The following IRAK2 variants were observed in gnomAD, a reference collection of about 807,000 sequenced individuals.
The protein encoded by IRAK2 is interleukin 1 receptor associated kinase 2.
IRAK2 carries 57 observed loss-of-function variants against 72.0 expected under a neutral mutation model. The observed-to-expected ratio is 0.79, with a 90% confidence interval of 0.64 to 0.99. The LOEUF is 0.99. Among genes scored for constraint, IRAK2 ranks in the 50% least tolerant of loss-of-function variants. The probability of loss-of-function intolerance (pLI) is 0.00; values close to 1 mark genes in which losing one functional copy is unlikely to be tolerated. For synonymous variants in IRAK2, 293 were observed against 312.7 expected (o/e 0.94, Z 0.67); for missense variants, 790 against 794.4 (o/e 0.99, Z 0.07).
chr3:10,216,792 GCC>G (rs911104275), intron 6 of IRAK2, 140 bp from the exon 7 acceptor site: 10 of 647,326 alleles, frequency 1.5e-5, no homozygotes, highest in Non-Finnish European at 2.5e-5. Flanking sequence ...CTGGGGCCAG[GCC>G]CTTAGGGGTC....
chr3:10,213,024 T>C (rs1030175622), intron 4 of IRAK2, among the ~76,000 whole-genome samples, 183 bp from the exon 5 acceptor site: 12 of 152,122 alleles, frequency 7.9e-5, no homozygotes, highest in African/African-American at 2.9e-4. Context: ...CGCCTCGGCC[T>C]CCCAAAGTGC....
At chr3:10,209,557 C>G in intron 3 of IRAK2, 32 bp from the exon 4 acceptor site, 1 of 1,415,718 alleles carries the variant, frequency 7.1e-7, no homozygotes, top group Non-Finnish European at 9.6e-7. Flanking sequence ...CTCCCCGAGG[C>G]TGCATCCTGA....
At chr3:10,167,602 AGAT>A (rs1696717029) in intron 1 of IRAK2, among the ~76,000 whole-genome samples, 1 of 152,006 alleles carries the variant, frequency 6.6e-6, no homozygotes, top group Non-Finnish European at 1.5e-5. Context: ...TTTTTAGTAG[AGAT>A]GGGGTTTCAC....
chr3:10,215,280 G>C (rs974195325), intron 6 of IRAK2, among the ~76,000 whole-genome samples: 1 of 150,730 alleles, frequency 6.6e-6, no homozygotes, highest in African/African-American at 2.4e-5. Context: ...TGTAGTCCCA[G>C]CTACTCAGGA....
chr3:10,220,966 C>T (rs746842583), intron 8 of IRAK2, among the ~76,000 whole-genome samples: 8 of 152,046 alleles, frequency 5.3e-5, no homozygotes, highest in African/African-American at 7.2e-5. Flanking sequence ...GTAAACATTT[C>T]GCTACATTGT....
intron 2 of IRAK2, among the ~76,000 whole-genome samples, chr3:10,195,212 A>G (rs1275208902): frequency 1.3e-5 from 2 of 152,232 alleles, no homozygotes; most frequent in East Asian, 1.9e-4. Flanking sequence ...TTCCTGCCAA[A>G]TGTGTTTTGA....
At chr3:10,235,384 G>A (rs1174569271) in intron 11 of IRAK2, among the ~76,000 whole-genome samples, 3 of 151,266 alleles carry the variant, frequency 2.0e-5, no homozygotes, top group African/African-American at 7.3e-5. Context: ...TCCAACCTTC[G>A]CCTCCCGGGT....
intron 7 of IRAK2, among the ~76,000 whole-genome samples, chr3:10,218,441 A>AC (rs1697639012): frequency 2.9e-5 from 4 of 138,836 alleles, no homozygotes; most frequent in Non-Finnish European, 4.8e-5. Context: ...AAAAAAAAAA[A>AC]AAAACCAAAA....
chr3:10,208,887 A>T (rs1697474633), intron 3 of IRAK2, among the ~76,000 whole-genome samples: 1 of 151,974 alleles, frequency 6.6e-6, no homozygotes, highest in Admixed American at 6.6e-5. Context: ...GGTATTACAG[A>T]TGTGAAGTAT....
At chr3:10,227,294 A>C (rs1697794327) in intron 10 of IRAK2, among the ~76,000 whole-genome samples, 1 of 151,704 alleles carries the variant, frequency 6.6e-6, no homozygotes, top group Non-Finnish European at 1.5e-5. Context: ...CTAAAAATAC[A>C]AAAATTAGCC....
At chr3:10,166,890 C>G (rs144603477) in intron 1 of IRAK2, among the ~76,000 whole-genome samples, 1 of 152,056 alleles carries the variant, frequency 6.6e-6, no homozygotes, top group African/African-American at 2.4e-5. Context: ...GTGATTTGGC[C>G]GCTTTGGCCT....
At chr3:10,199,603 T>C (rs1334356959) in intron 2 of IRAK2, among the ~76,000 whole-genome samples, 2 of 151,994 alleles carry the variant, frequency 1.3e-5, no homozygotes, top group Non-Finnish European at 2.9e-5. Flanking sequence ...GGGGCTGGAG[T>C]GGGAGCTTAG....
At chr3:10,177,719 T>G (rs1696898064) in intron 1 of IRAK2, 119 bp from the exon 2 acceptor site, 3 of 941,974 alleles carry the variant, frequency 3.2e-6, no homozygotes, top group Middle Eastern at 2.1e-4. Context: ...GTGTTTCCAG[T>G]GTGGAGGCGG....
chr3:10,213,424 T>C (rs2125156146), intron 5 of IRAK2, 23 bp downstream of exon 5: 2 of 1,609,180 alleles, frequency 1.2e-6, no homozygotes, highest in Non-Finnish European at 1.7e-6. Context: ...TGGTTTCTAG[T>C]GGGGGTGGAG....
intron 2 of IRAK2, among the ~76,000 whole-genome samples, chr3:10,194,786 A>G (rs932587699): frequency 1.3e-5 from 2 of 152,166 alleles, no homozygotes; most frequent in South Asian, 4.1e-4. Flanking sequence ...TATACGCACC[A>G]TTTATTGCTT....
chr3:10,212,621 A>C (rs1697537243), intron 4 of IRAK2, among the ~76,000 whole-genome samples: 1 of 152,186 alleles, frequency 6.6e-6, no homozygotes, highest in Non-Finnish European at 1.5e-5. Context: ...CTTAGTCTTC[A>C]AAATTACTCT....
At chr3:10,183,646 G>A (rs951957856) in intron 2 of IRAK2, among the ~76,000 whole-genome samples, 2 of 152,132 alleles carry the variant, frequency 1.3e-5, no homozygotes, top group Admixed American at 6.6e-5. Context: ...GTGGGAACCC[G>A]GGAGGCGGAG....
chr3:10,174,639 C>T (rs1683017), intron 1 of IRAK2, among the ~76,000 whole-genome samples: 5 of 152,100 alleles, frequency 3.3e-5, no homozygotes, highest in Admixed American at 6.6e-5. Context: ...ATTCTCCTGC[C>T]TCAGCCTTCC....
At position 10,242,281 on chromosome 3, in the gene IRAK2, G is replaced by A; in HGVS notation, c.*53G>A. The A allele has an allele frequency of 9.1e-7, 1 of 1,095,882 alleles. No homozygotes were observed. Among genetic ancestry groups the A allele is most frequent in the Non-Finnish European group, 1.4e-6 (1 of 737,984 alleles). The allele number at this position is 1,095,882 out of a possible 1,614,324, so 67.9% of individuals were successfully genotyped here. ...TCCTCAGTTGGAAAGATGAGCATCA[G>A]ATCAAGAAAAAGGTCTGAGGCAGAA... On this transcript the variant is annotated 3_prime_UTR_variant, in exon 13 of 13. Coordinates refer to ENST00000256458, the MANE Select transcript of IRAK2 (RefSeq NM_001570.4).
Sources: allele counts gnomAD v4.1 joint callset (sites outside exome capture counted in the v4.1 genomes callset), GRCh38; gene constraint gnomAD v4.1.1; transcripts MANE v1.5; gene names NCBI Gene and HGNC (gene_info 2026-07-23, HGNC 2026-07-21).